CUX1: variants seen among roughly 807,000 people sequenced by gnomAD.
CUX1 encodes cut like homeobox 1.
In CUX1, 31 loss-of-function variants were observed where a neutral mutation model predicts 158.8. The ratio of observed to expected loss-of-function variants is 0.20; its 90% CI spans 0.15 to 0.26. The LOEUF (loss-of-function observed/expected upper bound fraction) is 0.26. CUX1 is among the 10% of genes least tolerant of loss of function. The pLI, the probability that CUX1 is intolerant of heterozygous loss-of-function variation, is 1.00. For missense variants in CUX1, 1,589 were observed against 2,014.6 expected, an observed-to-expected ratio of 0.79 and a Z score of 4.04; for synonymous variants, 879 against 862.1, an observed-to-expected ratio of 1.02 and a Z score of -0.34.
intron 9 of CUX1, among the ~76,000 whole-genome samples, chr7:102,169,215 G>A (rs1198217392): frequency 6.6e-6 from 1 of 152,044 alleles, no homozygotes; most frequent in Non-Finnish European, 1.5e-5. Flanking sequence ...TTATAGGCGT[G>A]AGCCACCGTA....
intron 2 of CUX1, among the ~76,000 whole-genome samples, chr7:101,969,971 G>A (rs867415819): frequency 6.3e-4 from 84 of 133,856 alleles, no homozygotes; most frequent in African/African-American, 2.0e-3. Context: ...TCTTCTTGCC[G>A]GAGTTAGCAC....
chr7:102,090,301 C>T, intron 4 of CUX1, among the ~76,000 whole-genome samples: 1 of 150,568 alleles, frequency 6.6e-6, no homozygotes, highest in Admixed American at 6.6e-5. Flanking sequence ...GGATATTCAG[C>T]TTGTACTAAT....
At chr7:102,111,271 C>T (rs1301342314) in intron 6 of CUX1, among the ~76,000 whole-genome samples, 1 of 152,188 alleles carries the variant, frequency 6.6e-6, no homozygotes, top group Non-Finnish European at 1.5e-5. Flanking sequence ...GACGGAACAG[C>T]TGCCACATCT....
chr7:101,857,749 G>GT lies in CUX1; in HGVS notation c.30+40084dup, dbSNP rs1034211236. On this transcript the variant is annotated intron_variant, in intron 1 of 23. Transcript: ENST00000292535. ...GCATAATTGCAAGGAGCTTTGTTTC[G>GT]TTTTATTTTGCAGGGAATTTTTTTC... is the stretch of plus-strand genomic sequence containing the variant. Among the ~76,000 whole-genome samples, 107 of 140,508 alleles carry GT rather than the reference G, an allele frequency of 7.6e-4. 1 individual carries two copies. Among genetic ancestry groups the GT allele is most frequent in the East Asian group, 4.7e-3 (22 of 4,644 alleles). 92.2% of individuals were successfully genotyped at this position (140,508 alleles called of 152,430 possible). A position where few individuals can be genotyped will look rare whatever the true frequency, so the allele number is the denominator to read the frequency against.
At chr7:102,281,817 A>T in intron 20 of CUX1, 1 of 1,564,082 alleles carries the variant, frequency 6.4e-7, no homozygotes, top group South Asian at 1.1e-5. Context: ...CCCCATCCCC[A>T]CTCACCCCCT....
rs546118243 is a variant in CUX1 at position 102,218,709 on chromosome 7, A to C, written c.3131-8658A>C. 2.8e-3 allele frequency among the ~76,000 whole-genome samples: 419 copies of C among 151,968 alleles called. 1 individual carries two copies. Among genetic ancestry groups the C allele is most frequent in the African/African-American group, 9.8e-3 (408 of 41,424 alleles). On this transcript the variant is annotated intron_variant, in intron 20 of 23. Coordinates refer to ENST00000292535, the MANE Select transcript of CUX1 (RefSeq NM_181552.4). ...TCTCAAGAAAAAAATCAAGAGAGAA[A>C]GAATTTTGGCTCCCATGTCATTATA...
At chr7:101,850,078 C>T (rs1239011799) in intron 1 of CUX1, among the ~76,000 whole-genome samples, 1 of 151,958 alleles carries the variant, frequency 6.6e-6, no homozygotes, top group African/African-American at 2.4e-5. Flanking sequence ...AATGTGCCAC[C>T]ATGCTTGTCT....
chr7:101,987,228 T>C (rs1814427000), intron 2 of CUX1, among the ~76,000 whole-genome samples: 1 of 152,148 alleles, frequency 6.6e-6, no homozygotes, highest in African/African-American at 2.4e-5. Context: ...TGAATGAGTG[T>C]GGGGCAAATG....
chr7:102,189,127 T>C (rs987261873), intron 11 of CUX1, among the ~76,000 whole-genome samples: 14 of 152,088 alleles, frequency 9.2e-5, no homozygotes, highest in African/African-American at 3.4e-4. Context: ...ATGCCTACTC[T>C]CAATACAAAA....
At chr7:102,263,078 A>C (rs1173285832), downstream of CUX1, among the ~76,000 whole-genome samples, 2 of 142,180 alleles carry the variant, frequency 1.4e-5, no homozygotes, top group Non-Finnish European at 1.5e-5. Context: ...CAGTGGCGTG[A>C]TCTCGGCTCA....
intron 20 of CUX1, among the ~76,000 whole-genome samples, chr7:102,219,897 G>A (rs1444204564): frequency 6.6e-6 from 1 of 152,226 alleles, no homozygotes; most frequent in African/African-American, 2.4e-5. Context: ...ATTCAGCAGG[G>A]CTGTGAGCTT....
At position 101,916,510 on chromosome 7, in the gene CUX1, G is replaced by A; in HGVS notation, c.141+285G>A. ...GGTCTGTAAGAACACGTGGGCAGGT[G>A]TGTGGGTGTCTCAGACCCTCGAGCT... On this transcript the variant is annotated intron_variant, in intron 2 of 23. Transcript: ENST00000292535. This position sits in a 1 kb window ranked among gnomAD's most constrained non-coding sequence, Gnocchi z 4.4. 1 of 340,578 alleles carries A rather than the reference G, an allele frequency of 2.9e-6. No homozygotes were observed. The allele number at this position is 340,578 out of a possible 1,614,324, so 21.1% of individuals were successfully genotyped here.
In CUX1 at chr7:101,868,831, G is replaced by T. The variant is rs1447063195; in HGVS notation, c.31-47284G>T. Among the ~76,000 whole-genome samples the T allele has an allele frequency of 2.6e-5, 4 of 152,218 alleles. No homozygotes were observed. The East Asian group carries it at 7.7e-4, about 29-fold the overall frequency. On this transcript the variant is annotated intron_variant, in intron 1 of 23. Transcript: ENST00000292535. The stretch of plus-strand genomic sequence containing the variant: ...AGGACTGGGGCCATTTGTCGTGGGG[G>T]GATGGGAGCAGTGGCTTGGGAAGGG...
intron 1 of CUX1, among the ~76,000 whole-genome samples, chr7:101,827,697 T>G (rs1462092707): frequency 6.6e-6 from 1 of 152,168 alleles, no homozygotes; most frequent in Non-Finnish European, 1.5e-5. Context: ...TTGCTTAACA[T>G]GTATTTTGTA....
chr7:102,166,322 G>A (rs528537796), intron 9 of CUX1, among the ~76,000 whole-genome samples: 2 of 152,322 alleles, frequency 1.3e-5, no homozygotes, highest in East Asian at 1.9e-4. Flanking sequence ...AGATCTCCCA[G>A]GACAGTGCTC....
intron 2 of CUX1, among the ~76,000 whole-genome samples, chr7:102,019,052 C>T (rs924922265): frequency 6.6e-6 from 1 of 152,142 alleles, no homozygotes; most frequent in African/African-American, 2.4e-5. Flanking sequence ...AATCCTGAGC[C>T]GTGGCCACGT....
At chr7:102,130,088 A>G (rs1833052882) in intron 8 of CUX1, among the ~76,000 whole-genome samples, 1 of 151,990 alleles carries the variant, frequency 6.6e-6, no homozygotes, top group South Asian at 2.1e-4. Flanking sequence ...CCGAGGTGCT[A>G]TTTGTTGAGG....
chr7:102,168,629 G>A (rs1791314175), intron 9 of CUX1, among the ~76,000 whole-genome samples: 1 of 138,460 alleles, frequency 7.2e-6, no homozygotes. Context: ...AGGCGACAGA[G>A]CGAGGCTCTG....
chr7:102,189,387 T>C (rs1264485001), intron 11 of CUX1, among the ~76,000 whole-genome samples: 4 of 117,714 alleles, frequency 3.4e-5, no homozygotes, highest in Non-Finnish European at 7.5e-5. Context: ...CTTTTTTTTT[T>C]TTTTTTTTAA....
Sources: gnomAD v4.1 joint callset for allele counts (sites outside exome capture counted in the v4.1 genomes callset) on GRCh38, gnomAD v4.1.1 for gene constraint, Gnocchi (gnomAD v3.1) non-coding constraint, MANE v1.5 for transcripts, NCBI Gene and HGNC (gene_info 2026-07-23, HGNC 2026-07-21) for gene names.